The following PDZD7 variants were observed in gnomAD, a reference collection of about 807,000 sequenced individuals.
The protein encoded by PDZD7 is PDZ domain-containing protein 7.
A neutral mutation model predicts 84.7 loss-of-function variants in PDZD7; 72 were observed. The ratio of observed to expected loss-of-function variants is 0.85; its 90% confidence interval spans 0.70 to 1.03. The LOEUF is 1.03. PDZD7 is among the 50% of genes least tolerant of loss of function. The pLI, the probability that PDZD7 is intolerant of heterozygous loss-of-function variation, is 0.00. For synonymous variants in PDZD7, 594 were observed against 580.7 expected (o/e 1.02, Z -0.33); for missense variants, 1,490 against 1,412.9 (o/e 1.05, Z -0.87).
rs1320046956 is a variant in PDZD7, at chr10:101,011,695, A to AC, written c.1999dup (p.Val667GlyfsTer3). The AC allele has an allele frequency of 6.5e-7, 1 of 1,538,866 alleles. No homozygotes were observed. Among genetic ancestry groups the AC allele is most frequent in the Non-Finnish European group, 8.7e-7 (1 of 1,146,766 alleles). On this transcript the variant is annotated frameshift_variant, in exon 14 of 17. Transcript: ENST00000619208. LOFTEE classifies it high-confidence loss of function. ...GCTCTGGGACTCTGACTGACCAGGC[A>AC]CGGGGGTGATAAGGTGACGCTTGGG...
At chr10:101,017,737 G>T in intron 9 of PDZD7, 1 of 614,924 alleles carries the variant, frequency 1.6e-6, no homozygotes, top group Non-Finnish European at 2.9e-6. Flanking sequence ...AGTGAGCTGA[G>T]ATGGTGCCAT....
Position 101,022,284 on chromosome 10 carries a change from G to C in PDZD7, c.644C>G (p.Thr215Arg), listed in dbSNP as rs1853156125. The C allele has an allele frequency of 1.9e-6, 3 of 1,614,104 alleles. No individual in the cohort carries two copies. Among genetic ancestry groups the C allele is most frequent in the Non-Finnish European group, 8.5e-7 (1 of 1,180,060 alleles). The change falls in exon 5 of 17, where the codon ACA becomes AGA. Residue 215 changes from threonine to arginine, a missense_variant. Coordinates refer to ENST00000619208, the MANE Select transcript of PDZD7 (RefSeq NM_001195263.2). ...DGVRRIVHLYTTSDDFCLGFN... is the reference protein window; with the variant it reads ...DGVRRIVHLYRTSDDFCLGFN... ...GCCCAGGCAGAAGTCGTCGGAGGTT[G>C]TGTATAGGTGGACGATGCGCCGGAC...
chr10:101,022,099 AG>A, intron 5 of PDZD7, 109 bp downstream of exon 5: 1 of 1,561,380 alleles, frequency 6.4e-7, no homozygotes, highest in African/African-American at 1.4e-5. Flanking sequence ...TCACTGAGAC[AG>A]GTGGTTGGCC....
Position 101,010,586 on chromosome 10 carries a change from C to A in PDZD7, c.2303G>T (p.Gly768Val), listed in dbSNP as rs748150927. 1 of 1,513,270 alleles carries A rather than the reference C, an allele frequency of 6.6e-7. No individual in the cohort carries two copies. The highest frequency in any genetic ancestry group is 8.8e-7 in the Non-Finnish European group (1 of 1,132,368). 93.7% of individuals were successfully genotyped at this position (1,513,270 alleles called of 1,614,324 possible). A position where few individuals can be genotyped will look rare whatever the true frequency, so the allele number is the denominator to read the frequency against. Residue 768 changes from glycine (G) to valine (V), a missense_variant, in exon 15 of 17, where the codon GGC becomes GTC. Transcript: ENST00000619208. The part of the protein sequence containing the change: ...REHPPQSQIR[G>V]RAQSRSRSRS... The stretch of plus-strand genomic sequence containing the variant: ...GCTGCGGCTACGGCTCTGAGCCCGG[C>A]CCCGGATCTGGCTCTGCGGAGGGTG...
intron 10 of PDZD7, 21 bp from the exon 11 acceptor site, chr10:101,015,832 G>C (rs911095638): frequency 6.5e-7 from 1 of 1,538,464 alleles, no homozygotes; most frequent in East Asian, 2.5e-5. Context: ...GGAACCATCA[G>C]GGGAGGGGAG....
At chr10:101,016,577 G>T (rs1852640801) in intron 9 of PDZD7, 150 bp from the exon 10 acceptor site, 6 of 769,432 alleles carry the variant, frequency 7.8e-6, no homozygotes, top group Middle Eastern at 3.6e-4. Flanking sequence ...GGGCTTGAAG[G>T]CAATGCTCAG....
intron 6 of PDZD7, 75 bp from the exon 7 acceptor site, chr10:101,020,753 C>T (rs551390183): frequency 4.7e-6 from 5 of 1,060,626 alleles, no homozygotes; most frequent in Admixed American, 1.7e-5. Flanking sequence ...GCGGGGGTGA[C>T]AGGATGGGAG....
Position 101,018,136 on chromosome 10 carries a change from G to C in PDZD7, c.1485C>G (p.Ser495Arg). Residue 495 changes from serine (S) to arginine (R), a missense_variant, in exon 9 of 17, where the codon AGC (serine) becomes AGG (arginine). Ser to Arg is a moderately radical substitution (Grantham distance 110, BLOSUM62 -1). Transcript: ENST00000619208. The part of the protein sequence containing the change: ...RREAWTLDSG[S>R]LAKTYPRLDI... ...CCAGGCGAGGGTAAGTTTTGGCCAG[G>C]CTCCCGCTGTCCAGTGTCCAGGCCT... 1 of 1,614,192 alleles carries C rather than the reference G, an allele frequency of 6.2e-7. No individual in the cohort carries two copies.
At chr10:101,017,562 G>A in intron 9 of PDZD7, 1 of 701,266 alleles carries the variant, frequency 1.4e-6, no homozygotes, top group South Asian at 1.5e-5. Context: ...CGGGTAGATA[G>A]CTTCAGTCCA....
At chr10:101,027,365 G>A (rs1267896480) in intron 2 of PDZD7, among the ~76,000 whole-genome samples, 1 of 151,936 alleles carries the variant, frequency 6.6e-6, no homozygotes. Context: ...TCCTGCCCAG[G>A]CCTTTAGAAG....
chr10:101,029,172 C>T (rs1379733625), intron 2 of PDZD7, among the ~76,000 whole-genome samples: 1 of 152,218 alleles, frequency 6.6e-6, no homozygotes, highest in Non-Finnish European at 1.5e-5. Context: ...CTGTTAGTCA[C>T]CTCACATCTG....
intron 2 of PDZD7, among the ~76,000 whole-genome samples, chr10:101,025,135 T>C (rs1470102561): frequency 6.6e-6 from 1 of 152,186 alleles, no homozygotes; most frequent in East Asian, 1.9e-4. Context: ...GCTCACACAG[T>C]GGAATTAGAC....
In PDZD7 at chr10:101,019,101, T is replaced by A. The variant is rs780012865; in HGVS notation, c.1045A>T (p.Ile349Phe). The A allele has an allele frequency of 1.3e-6, 2 of 1,560,562 alleles. No individual in the cohort carries two copies. Among genetic ancestry groups the A allele is most frequent in the Non-Finnish European group, 8.6e-7 (1 of 1,160,080 alleles). The change falls in exon 8 of 17, where the codon ATC becomes TTC. Residue 349 changes from isoleucine (I) to phenylalanine (F), a missense_variant. Coordinates refer to ENST00000619208, the MANE Select transcript of PDZD7 (RefSeq NM_001195263.2). ...CCGGGCTCCTCCTGCCCGAGGCAGA[T>A]GTCCATGCGGTCCGACGGCAGGGAG... Reference protein sequence around the residue: ...SGSLPSDRMDICLGQEEPGSR... With the variant: ...SGSLPSDRMDFCLGQEEPGSR...
Position 101,021,758 on chromosome 10 carries a change from C to T in PDZD7, c.867+40G>A, listed in dbSNP as rs377157833. The T allele has an allele frequency of 6.2e-6, 10 of 1,614,086 alleles. No individual in the cohort carries two copies. The African/African-American group carries it at 9.3e-5, about 15-fold the overall frequency. On this transcript the variant is annotated intron_variant, in intron 6 of 16. Coordinates refer to ENST00000619208, the MANE Select transcript of PDZD7 (RefSeq NM_001195263.2). ...ACTAGGGTGGTCTGGGAAGCCCCTA[C>T]TCTAGCCTCACCTCTCCCTACCCCC...
Position 101,011,278 on chromosome 10 carries a change from C to T in PDZD7, c.2006-395G>A, listed in dbSNP as rs530411543. On this transcript the variant is annotated intron_variant, in intron 14 of 16. Transcript: ENST00000619208. ...GTTGGTCTCTACTCCTCACCTCAAG[C>T]GATCCACCCGCCTCAGCCTCCCAAA... The T allele has an allele frequency of 6.0e-4, 221 of 368,906 alleles. 1 individual carries two copies. The highest frequency in any genetic ancestry group is 4.5e-3 in the African/African-American group (211 of 47,278). 22.9% of individuals were successfully genotyped at this position (368,906 alleles called of 1,614,324 possible).
chr10:101,029,344 C>T (rs1270818146), intron 2 of PDZD7, among the ~76,000 whole-genome samples: 15 of 150,626 alleles, frequency 1.0e-4, no homozygotes, highest in Non-Finnish European at 2.2e-4. Context: ...CCTGATTTCT[C>T]TCTAGGTCCC....
At position 101,023,988 on chromosome 10, in the gene PDZD7, C is replaced by A. The variant is rs148695069; in HGVS notation, c.307G>T (p.Gly103Trp). 8.1e-6 allele frequency: 13 copies of A among 1,614,270 alleles called. No individual in the cohort carries two copies. Among genetic ancestry groups the A allele is most frequent in the African/African-American group, 1.3e-5 (1 of 75,076 alleles). Reference sequence around the variant, plus strand: ...ATGCCCAGGCCATGCTCTGAGCCCCCGCGCACGCTGAAGCCCAGCCTCCCT... The same window carrying A: ...ATGCCCAGGCCATGCTCTGAGCCCCAGCGCACGCTGAAGCCCAGCCTCCCT... ...PAGRLGFSVR[G>W]GSEHGLGIFV... is the part of the protein sequence containing the mutation. The change falls in exon 3 of 17, where the codon GGG (glycine) becomes TGG (tryptophan). Residue 103 changes from glycine to tryptophan, a missense_variant. Physicochemically the swap from Gly to Trp is radical, Grantham distance 184. Coordinates refer to ENST00000619208, the MANE Select transcript of PDZD7 (RefSeq NM_001195263.2).
chr10:101,014,358 G>A lies in PDZD7; in HGVS notation c.1749+1278C>T, dbSNP rs147196888. On this transcript the variant is annotated intron_variant, in intron 11 of 16. Transcript: ENST00000619208. The stretch of plus-strand genomic sequence containing the variant: ...TGGGTCAGGTTTGGGTGGTGGTTGA[G>A]CTCGGCAGGTGGTATGGGGGCACAA... Among the ~76,000 whole-genome samples, 1,415 of 152,210 alleles carry A rather than the reference G, an allele frequency of 9.3e-3. 21 individuals carry two copies. The highest frequency in any genetic ancestry group is 0.032 in the African/African-American group (1,326 of 41,510).
intron 11 of PDZD7, 48 bp from the exon 12 acceptor site, chr10:101,012,306 G>A: frequency 6.9e-7 from 1 of 1,439,070 alleles, no homozygotes; most frequent in Non-Finnish European, 9.5e-7. Context: ...GGCTTCCAGA[G>A]CTGAGTGAGG....
Sources: gnomAD v4.1 joint callset for allele counts (sites outside exome capture counted in the v4.1 genomes callset) on GRCh38, gnomAD v4.1.1 for gene constraint, MANE v1.5 for transcripts, NCBI Gene and HGNC (gene_info 2026-07-23, HGNC 2026-07-21) for gene names.